Variants in CADM2 observed in about 807,000 individuals in gnomAD.
The protein encoded by CADM2 is cell adhesion molecule 2.
Under a neutral mutation model 49.8 loss-of-function variants are expected in CADM2, and 12 were observed. That is an observed-to-expected ratio of 0.24 (90% CI 0.15 to 0.39). The LOEUF (loss-of-function observed/expected upper bound fraction) is 0.39, where lower values mean the gene tolerates loss of function less well. Among genes scored for constraint, CADM2 ranks in the 10% least tolerant of loss-of-function variants. The probability of loss-of-function intolerance (pLI) is 1.00; values close to 1 mark genes in which losing one functional copy is unlikely to be tolerated. For missense variants in CADM2, 378 were observed against 492.3 expected (o/e 0.77, Z 2.20); for synonymous variants, 214 against 175.4 (o/e 1.22, Z -1.74).
chr3:85,586,127 A>C (rs2062939850), intron 1 of CADM2, among the ~76,000 whole-genome samples: 1 of 152,008 alleles, frequency 6.6e-6, no homozygotes, highest in South Asian at 2.1e-4. Context: ...CCGGTTTTTT[A>C]CCTATCATCC....
intron 1 of CADM2, among the ~76,000 whole-genome samples, chr3:85,229,619 A>G (rs2042239917): frequency 6.6e-6 from 1 of 152,124 alleles, no homozygotes; most frequent in Non-Finnish European, 1.5e-5. Context: ...AAAGGCAAAA[A>G]ATCCTTTAAA....
At chr3:85,108,294 T>A (rs2038322919) in intron 1 of CADM2, among the ~76,000 whole-genome samples, 1 of 152,168 alleles carries the variant, frequency 6.6e-6, no homozygotes, top group South Asian at 2.1e-4. Flanking sequence ...TAGCCAATAG[T>A]TGGAAACAAA....
chr3:85,080,753 T>C (rs369732115), intron 1 of CADM2, among the ~76,000 whole-genome samples: 57 of 152,228 alleles, frequency 3.7e-4, no homozygotes, highest in African/African-American at 1.3e-3. Context: ...TATCCTTGTA[T>C]TATTCCTCTA....
chr3:85,554,775 C>T (rs929466010), intron 1 of CADM2, among the ~76,000 whole-genome samples: 2 of 149,850 alleles, frequency 1.3e-5, no homozygotes, highest in African/African-American at 4.9e-5. Flanking sequence ...CTCACTGTAA[C>T]CTCAAACTCC....
At chr3:85,999,969 G>A (rs1729961303) in intron 8 of CADM2, among the ~76,000 whole-genome samples, 1 of 152,058 alleles carries the variant, frequency 6.6e-6, no homozygotes, top group Non-Finnish European at 1.5e-5. Flanking sequence ...ATGCTAGGGA[G>A]AAAAAAGAGA....
Position 85,154,251 on chromosome 3 carries a change from G to A in CADM2, c.61+194583G>A, listed in dbSNP as rs376541617. 4.6e-5 allele frequency among the ~76,000 whole-genome samples: 7 copies of A among 152,300 alleles called. No individual in the cohort carries two copies. The South Asian group carries it at 1.0e-3, about 23-fold the overall frequency. ...ATATAGAGAAGTGCTTAAAGGAGCT[G>A]ATGGAGCTGAAAACCAAGGCTCGAG... is the stretch of plus-strand genomic sequence containing the variant. On this transcript the variant is annotated intron_variant, in intron 1 of 9. Transcript: ENST00000383699.
chr3:85,678,776 G>T (rs1457330149), intron 1 of CADM2, among the ~76,000 whole-genome samples: 4 of 152,128 alleles, frequency 2.6e-5, no homozygotes, highest in Non-Finnish European at 4.4e-5. Flanking sequence ...TTCATTAGAT[G>T]ACTCTTATAT....
rs869151718 is a variant in CADM2 at position 85,359,666 on chromosome 3, A to ATTTTTTTTTTTTTT, written c.62-366845_62-366844insTTTTTTTTTTTTTT. Among the ~76,000 whole-genome samples, 8 of 26,556 alleles carry ATTTTTTTTTTTTTT rather than the reference A, an allele frequency of 3.0e-4. 1 individual carries two copies. The highest frequency in any genetic ancestry group is 2.7e-3 in the East Asian group (2 of 754). 17.4% of individuals were successfully genotyped at this position (26,556 alleles called of 152,430 possible). ...TATATATATATATATATATATATATATTTTTTTTTTTGGTGGAGGGGAGAA... is the reference window on the plus strand; with the variant it reads ...TATATATATATATATATATATATATATTTTTTTTTTTTTTTTTTTTTTTTTGGTGGAGGGGAGAA... On this transcript the variant is annotated intron_variant, in intron 1 of 9. Transcript: ENST00000383699.
chr3:85,642,123 C>T (rs1433655759), intron 1 of CADM2, among the ~76,000 whole-genome samples: 1 of 152,046 alleles, frequency 6.6e-6, no homozygotes, highest in African/African-American at 2.4e-5. Context: ...GGCCATTACC[C>T]TTTGCACTGC....
chr3:85,327,324 C>T (rs1341313320), intron 1 of CADM2, among the ~76,000 whole-genome samples: 2 of 151,882 alleles, frequency 1.3e-5, no homozygotes, highest in African/African-American at 2.4e-5. Flanking sequence ...GTCACAATCC[C>T]AGCTCACTGC....
chr3:85,928,437 G>A (rs191477178), intron 6 of CADM2, among the ~76,000 whole-genome samples: 74 of 152,186 alleles, frequency 4.9e-4, no homozygotes, highest in Non-Finnish European at 8.2e-4. Context: ...GATTACAGGC[G>A]TGAGCCACCA....
rs1159969286 is a variant in CADM2 at position 85,515,631 on chromosome 3, A to ATAT, written c.62-210890_62-210889insATT. Among the ~76,000 whole-genome samples, 347 of 118,388 alleles carry ATAT rather than the reference A, an allele frequency of 2.9e-3. 2 individuals are homozygous for ATAT. Among genetic ancestry groups the ATAT allele is most frequent in the African/African-American group, 0.011 (312 of 29,634 alleles). The allele number at this position is 118,388 out of a possible 152,430, so 77.7% of individuals were successfully genotyped here. A position where few individuals can be genotyped will look rare whatever the true frequency, so the allele number is the denominator to read the frequency against. On this transcript the variant is annotated intron_variant, in intron 1 of 9. Coordinates refer to ENST00000383699, the MANE Select transcript of CADM2 (RefSeq NM_001167675.2). ...CACTAATATATATATATATATATAT[A>ATAT]TTTTTTTTTTTTGTATCTTTAGTAG...
chr3:85,179,455 G>A (rs1310579874), intron 1 of CADM2, among the ~76,000 whole-genome samples: 2 of 151,730 alleles, frequency 1.3e-5, no homozygotes, highest in South Asian at 2.1e-4. Flanking sequence ...CTTTTTTTTG[G>A]TATGTTTCTT....
intron 1 of CADM2, among the ~76,000 whole-genome samples, chr3:85,009,846 A>C (rs766120151): frequency 1.1e-4 from 16 of 151,032 alleles, no homozygotes; most frequent in Non-Finnish European, 1.8e-4. Flanking sequence ...AGCCTGGGCA[A>C]CAGAGCAAGA....
chr3:85,877,684 G>GTTTTTTTTTTTTTTTTTTTTTTTGTTT (rs368101272), intron 3 of CADM2, among the ~76,000 whole-genome samples: 6 of 112,018 alleles, frequency 5.4e-5, no homozygotes, highest in African/African-American at 1.3e-4. Flanking sequence ...TTTTTCTTCT[G>GTTTTTTTTTTTTTTTTTTTTTTTGTTT]TTTTTTTTTT....
chr3:85,783,144 T>C (rs2070759337), intron 2 of CADM2, among the ~76,000 whole-genome samples: 2 of 152,198 alleles, frequency 1.3e-5, no homozygotes, highest in African/African-American at 4.8e-5. Flanking sequence ...GTTTTCTTAC[T>C]TCATATATTC....
At position 86,074,203 on chromosome 3, in the gene CADM2, T is replaced by C. The variant is rs1414292119; in HGVS notation, c.*7420T>C. 6.6e-6 allele frequency: 1 copy of C among 152,002 alleles called. No homozygotes were observed. The highest frequency in any genetic ancestry group is 1.5e-5 in the Non-Finnish European group (1 of 67,878). 9.4% of individuals were successfully genotyped at this position (152,002 alleles called of 1,614,324 possible). Reference sequence around the variant, plus strand: ...AATGCAATTAATCATATATCCAACCTAAGCTTCTGCCAATAAGGATTTCAG... The same window carrying C: ...AATGCAATTAATCATATATCCAACCCAAGCTTCTGCCAATAAGGATTTCAG... On this transcript the variant is annotated 3_prime_UTR_variant, in exon 10 of 10. Transcript: ENST00000383699.
intron 8 of CADM2, among the ~76,000 whole-genome samples, chr3:86,005,770 C>G (rs1481211496): frequency 6.6e-6 from 1 of 152,048 alleles, no homozygotes; most frequent in Non-Finnish European, 1.5e-5. Context: ...ATTGTGCTGT[C>G]AAATAGTAGG....
intron 1 of CADM2, among the ~76,000 whole-genome samples, chr3:85,017,536 T>C (rs918724587): frequency 6.6e-6 from 1 of 152,206 alleles, no homozygotes; most frequent in Non-Finnish European, 1.5e-5. Context: ...GAAAAATTCT[T>C]ATCCTGATGT....
Sources: gnomAD v4.1 joint callset for allele counts (sites outside exome capture counted in the v4.1 genomes callset) on GRCh38, gnomAD v4.1.1 for gene constraint, MANE v1.5 for transcripts, NCBI Gene and HGNC (gene_info 2026-07-23, HGNC 2026-07-21) for gene names.